The following PTER variants were observed in gnomAD, a reference collection of about 807,000 sequenced individuals.
PTER encodes N-acetyltaurine hydrolase.
Under a neutral mutation model 29.6 loss-of-function variants are expected in PTER, and 38 were observed. The observed-to-expected ratio is 1.28, with a 90% confidence interval of 0.99 to 1.68. The LOEUF is 1.68. Ranked by LOEUF, PTER falls within the 40% of genes most tolerant of loss-of-function variation. The probability of loss-of-function intolerance (pLI) is 0.00; values close to 1 mark genes in which losing one functional copy is unlikely to be tolerated. For missense variants in PTER, 482 were observed against 427.8 expected (o/e 1.13, Z -1.12); for synonymous variants, 172 against 154.5 (o/e 1.11, Z -0.84).
intron 1 of PTER, among the ~76,000 whole-genome samples, chr10:16,437,659 A>C (rs1032773870): frequency 3.9e-5 from 6 of 152,108 alleles, no homozygotes; most frequent in African/African-American, 1.4e-4. Context: ...GCCAATTACC[A>C]GCGGTCATAT....
chr10:16,510,557 T>A (rs1392069574), intron 4 of PTER, among the ~76,000 whole-genome samples: 7 of 152,236 alleles, frequency 4.6e-5, no homozygotes, highest in African/African-American at 1.7e-4. Flanking sequence ...CAGAATATTT[T>A]ACTTGTAGTG....
chr10:16,510,481 A>T (rs1271690485), intron 4 of PTER, among the ~76,000 whole-genome samples: 1 of 152,140 alleles, frequency 6.6e-6, no homozygotes, highest in African/African-American at 2.4e-5. Flanking sequence ...ATGCTGACCA[A>T]CCTTTTTTCA....
In PTER at chr10:16,484,655, G is replaced by T; in HGVS notation, c.271G>T (p.Gly91Cys). The T allele has an allele frequency of 6.2e-7, 1 of 1,614,144 alleles. No homozygotes were observed. Among genetic ancestry groups the T allele is most frequent in the Non-Finnish European group, 8.5e-7 (1 of 1,180,028 alleles). The change falls in exon 2 of 5, where the codon GGT (glycine) becomes TGT (cysteine). Residue 91 changes from glycine to cysteine, a missense_variant. Transcript: ENST00000535784. ...AGAACTGTTGTATTTTAAAGCTAAT[G>T]GTGGAGGGGCTTTGGTGGAAAACAC... ...KEELLYFKAN[G>C]GGALVENTTT...
chr10:16,500,535 A>T (rs1836294534), intron 3 of PTER, among the ~76,000 whole-genome samples: 1 of 152,210 alleles, frequency 6.6e-6, no homozygotes, highest in African/African-American at 2.4e-5. Flanking sequence ...TACAGGAGTG[A>T]GCCAATGTGC....
chr10:16,516,567 G>T (rs1836954337), downstream of PTER, among the ~76,000 whole-genome samples: 1 of 152,074 alleles, frequency 6.6e-6, no homozygotes, highest in Admixed American at 6.5e-5. Context: ...ATTTTATTCA[G>T]TGCTTTGGGT....
Position 16,511,287 on chromosome 10 carries a change from A to G in PTER, c.*31A>G. On this transcript the variant is annotated 3_prime_UTR_variant, in exon 5 of 5. Coordinates refer to ENST00000535784, the MANE Select transcript of PTER (RefSeq NM_001261836.2). The stretch of plus-strand genomic sequence containing the variant: ...TTGCTTATGAATTCACACCTTGAGT[A>G]TAAAACTTGCAGAGAACATTCAGCG... The G allele has an allele frequency of 6.3e-7, 1 of 1,575,698 alleles. No individual in the cohort carries two copies.
downstream of PTER, among the ~76,000 whole-genome samples, chr10:16,516,995 A>G (rs1293320641): frequency 3.3e-5 from 5 of 152,330 alleles, no homozygotes; most frequent in Non-Finnish European, 7.4e-5. Flanking sequence ...CCTACTCTAA[A>G]GATATAACAG....
chr10:16,490,368 G>A (rs1317859522), intron 3 of PTER, among the ~76,000 whole-genome samples: 1 of 151,992 alleles, frequency 6.6e-6, no homozygotes, highest in Non-Finnish European at 1.5e-5. Flanking sequence ...ACTGTATATG[G>A]GGCAAGTTTT....
At chr10:16,506,840 G>C (rs1408638019) in intron 4 of PTER, among the ~76,000 whole-genome samples, 1 of 152,110 alleles carries the variant, frequency 6.6e-6, no homozygotes, top group Non-Finnish European at 1.5e-5. Flanking sequence ...AGGTCAATGA[G>C]AGAGATCTTG....
chr10:16,445,952 C>A (rs1378778844), intron 1 of PTER, among the ~76,000 whole-genome samples: 1 of 152,092 alleles, frequency 6.6e-6, no homozygotes, highest in East Asian at 1.9e-4. Flanking sequence ...AAGTGTCAGG[C>A]CTGGCATAGA....
chr10:16,442,282 A>T (rs1833875504), intron 1 of PTER, among the ~76,000 whole-genome samples: 1 of 152,228 alleles, frequency 6.6e-6, no homozygotes, highest in Non-Finnish European at 1.5e-5. Context: ...TCTCATGTTT[A>T]TGCCTTGACA....
At chr10:16,455,150 G>A (rs118183220) in intron 1 of PTER, among the ~76,000 whole-genome samples, 5,236 of 152,102 alleles carry the variant, frequency 0.034, 129 homozygotes, top group Middle Eastern at 0.14. Flanking sequence ...GATCACTTGA[G>A]CCTGGGAGTC....
chr10:16,462,573 T>TTC (rs1554788161), intron 1 of PTER, among the ~76,000 whole-genome samples: 3 of 149,150 alleles, frequency 2.0e-5, no homozygotes, highest in African/African-American at 7.4e-5. Context: ...TAATCTACTT[T>TTC]TTTTTTTTTT....
downstream of PTER, among the ~76,000 whole-genome samples, chr10:16,518,552 A>C (rs956763093): frequency 2.0e-5 from 3 of 152,228 alleles, no homozygotes; most frequent in African/African-American, 7.2e-5. Context: ...TAGAACACCT[A>C]CATGGTGTTA....
At chr10:16,509,902 G>A (rs751284463) in intron 4 of PTER, among the ~76,000 whole-genome samples, 15 of 152,098 alleles carry the variant, frequency 9.9e-5, no homozygotes, top group Non-Finnish European at 1.8e-4. Flanking sequence ...TGTTCTCAGA[G>A]GGCAGGGCTT....
intron 1 of PTER, among the ~76,000 whole-genome samples, chr10:16,459,899 C>A (rs1172326820): frequency 6.6e-6 from 1 of 152,092 alleles, no homozygotes; most frequent in Non-Finnish European, 1.5e-5. Flanking sequence ...AGGCATGCGC[C>A]ACCATGCCTG....
chr10:16,478,108 A>T (rs1015018674), intron 1 of PTER, among the ~76,000 whole-genome samples: 1 of 152,260 alleles, frequency 6.6e-6, no homozygotes, highest in Admixed American at 6.5e-5. Flanking sequence ...TACATCAAAC[A>T]TTCTCAAGGC....
chr10:16,438,627 A>G (rs1833741126), intron 1 of PTER, among the ~76,000 whole-genome samples: 1 of 149,562 alleles, frequency 6.7e-6, no homozygotes, highest in Non-Finnish European at 1.5e-5. Flanking sequence ...TTCTAGACAC[A>G]TTAAGGTGAG....
At chr10:16,445,567 TC>T (rs1833987273) in intron 1 of PTER, among the ~76,000 whole-genome samples, 1 of 152,200 alleles carries the variant, frequency 6.6e-6, no homozygotes, top group Non-Finnish European at 1.5e-5. Context: ...TCAGTGCCTT[TC>T]TCCCAGTTAG....
Sources: allele counts gnomAD v4.1 joint callset (sites outside exome capture counted in the v4.1 genomes callset), GRCh38; gene constraint gnomAD v4.1.1; transcripts MANE v1.5; gene names NCBI Gene and HGNC (gene_info 2026-07-23, HGNC 2026-07-21).